The following GAP43 variants were observed in gnomAD, a reference collection of about 807,000 sequenced individuals.
GAP43 encodes neuromodulin.
A neutral mutation model predicts 18.6 loss-of-function variants in GAP43; 6 were observed. The ratio of observed to expected loss-of-function variants is 0.32; its 90% CI spans 0.18 to 0.64. The LOEUF is 0.64. Ranked by LOEUF, GAP43 falls within the 30% of genes least tolerant of loss-of-function variation. The pLI is 0.78. For synonymous variants in GAP43, 115 were observed against 111.4 expected (o/e 1.03, Z -0.20); for missense variants, 292 against 295.5 (o/e 0.99, Z 0.09).
At chr3:115,647,025 T>A (rs181829674) in intron 1 of GAP43, among the ~76,000 whole-genome samples, 1 of 152,112 alleles carries the variant, frequency 6.6e-6, no homozygotes. Flanking sequence ...TCCCCTCACA[T>A]TTCCTCTGTT....
intron 1 of GAP43, among the ~76,000 whole-genome samples, chr3:115,667,653 C>G (rs1708750460): frequency 6.6e-6 from 1 of 152,144 alleles, no homozygotes; most frequent in African/African-American, 2.4e-5. Context: ...TCTTCAGGAG[C>G]TTGGCATGTG....
At chr3:115,687,114 TC>T (rs35054420) in intron 2 of GAP43, among the ~76,000 whole-genome samples, 23,861 of 51,780 alleles carry the variant, frequency 0.46, 2,171 homozygotes, top group East Asian at 0.59. Flanking sequence ...AAATCCCCCC[TC>T]TTTTTTTTTT....
At chr3:115,683,147 GCACA>G (rs869219452) in intron 2 of GAP43, among the ~76,000 whole-genome samples, 25,427 of 127,156 alleles carry the variant, frequency 0.2, 2,866 homozygotes, top group Non-Finnish European at 0.27. Context: ...GCGCGCGCGC[GCACA>G]CACACACACA....
At chr3:115,668,201 G>A (rs1201927403) in intron 1 of GAP43, among the ~76,000 whole-genome samples, 2 of 152,138 alleles carry the variant, frequency 1.3e-5, no homozygotes, top group Admixed American at 6.5e-5. Context: ...AAGTGATTCT[G>A]TCTGGCTTGT....
In GAP43 at chr3:115,674,333, T is replaced by C. The variant is rs1377430187; in HGVS notation, c.31-1680T>C. 3.3e-5 allele frequency among the ~76,000 whole-genome samples: 5 copies of C among 152,186 alleles called. 1 individual carries two copies. The South Asian group carries it at 6.2e-4, about 19-fold the overall frequency. On this transcript the variant is annotated intron_variant, in intron 1 of 2. Coordinates refer to ENST00000305124, the MANE Select transcript of GAP43 (RefSeq NM_002045.4). Reference sequence around the variant, plus strand: ...GAAATCTAAGAATGGAGACTATCAGTAGCCATGTTGGGGCACCATGGTAAA... The same window carrying C: ...GAAATCTAAGAATGGAGACTATCAGCAGCCATGTTGGGGCACCATGGTAAA...
At chr3:115,643,222 G>A (rs908195465) in intron 1 of GAP43, among the ~76,000 whole-genome samples, 2 of 152,054 alleles carry the variant, frequency 1.3e-5, no homozygotes, top group African/African-American at 2.4e-5. Flanking sequence ...AAGGAATGAC[G>A]TAAAGATGCA....
intron 2 of GAP43, among the ~76,000 whole-genome samples, chr3:115,684,866 A>ATTTATCC (rs1485297539): frequency 6.6e-6 from 1 of 152,156 alleles, no homozygotes; most frequent in Non-Finnish European, 1.5e-5. Context: ...AAAGGATAAA[A>ATTTATCC]TTTATCCAAT....
intron 2 of GAP43, among the ~76,000 whole-genome samples, chr3:115,708,848 T>C (rs770109114): frequency 6.6e-6 from 1 of 151,362 alleles, no homozygotes; most frequent in Non-Finnish European, 1.5e-5. Context: ...CTACAAGGAA[T>C]GTAGGACATC....
At chr3:115,664,100 T>A (rs906636884) in intron 1 of GAP43, among the ~76,000 whole-genome samples, 13 of 152,108 alleles carry the variant, frequency 8.5e-5, no homozygotes, top group African/African-American at 3.1e-4. Context: ...TTGAATTAGT[T>A]AATATACAAA....
At chr3:115,698,101 TATATAAAATATATA>T (rs1299353758) in intron 2 of GAP43, among the ~76,000 whole-genome samples, 12 of 41,216 alleles carry the variant, frequency 2.9e-4, no homozygotes, top group East Asian at 2.4e-3. Flanking sequence ...TTATATATAA[TATATAAAATATATA>T]ATATATATTA....
intron 1 of GAP43, among the ~76,000 whole-genome samples, chr3:115,639,798 T>C (rs1277905533): frequency 6.6e-6 from 1 of 152,048 alleles, no homozygotes; most frequent in Non-Finnish European, 1.5e-5. Context: ...AAAAATATAA[T>C]TCCTGGGGGA....
chr3:115,674,762 T>C (rs1445156484), intron 1 of GAP43, among the ~76,000 whole-genome samples: 1 of 152,206 alleles, frequency 6.6e-6, no homozygotes, highest in Non-Finnish European at 1.5e-5. Context: ...AAGTTAGACA[T>C]TATTTTGTGA....
At position 115,698,862 on chromosome 3, in the gene GAP43, T is replaced by A. The variant is rs564486722; in HGVS notation, c.629-21932T>A. Reference sequence around the variant, plus strand: ...CCCTAAACTGGTAATCCTTCATTTCTTACTCATAGCCTCAGCATTCCCACC... The same window carrying A: ...CCCTAAACTGGTAATCCTTCATTTCATACTCATAGCCTCAGCATTCCCACC... On this transcript the variant is annotated intron_variant, in intron 2 of 2. Coordinates refer to ENST00000305124, the MANE Select transcript of GAP43 (RefSeq NM_002045.4). 3.3e-5 allele frequency among the ~76,000 whole-genome samples: 5 copies of A among 152,310 alleles called. No individual in the cohort carries two copies. In the East Asian group the frequency reaches 9.6e-4, roughly 29 times the overall value.
chr3:115,653,427 G>A (rs183978892), intron 1 of GAP43, among the ~76,000 whole-genome samples: 103 of 152,248 alleles, frequency 6.8e-4, no homozygotes, highest in Admixed American at 2.0e-3. Flanking sequence ...GGGCGACAGA[G>A]TGAGACTCTG....
chr3:115,648,159 C>T lies in GAP43; in HGVS notation c.30+24440C>T, dbSNP rs1018612319. ...CGTCATGGAAGTAGTCCTTCTTTTA[C>T]GCAATACTGTGGGCCCTTCTGCAGA... On this transcript the variant is annotated intron_variant, in intron 1 of 2. Coordinates refer to ENST00000305124, the MANE Select transcript of GAP43 (RefSeq NM_002045.4). Among the ~76,000 whole-genome samples, 4 of 152,164 alleles carry T rather than the reference C, an allele frequency of 2.6e-5. No individual in the cohort carries two copies. The South Asian group carries it at 6.2e-4, about 24-fold the overall frequency.
intron 1 of GAP43, among the ~76,000 whole-genome samples, chr3:115,646,251 G>A (rs1708456465): frequency 6.6e-6 from 1 of 152,002 alleles, no homozygotes; most frequent in South Asian, 2.1e-4. Context: ...TTTCCTGCAA[G>A]CAACTCTGCC....
intron 1 of GAP43, among the ~76,000 whole-genome samples, chr3:115,675,329 C>A (rs530190073): frequency 6.6e-6 from 1 of 152,170 alleles, no homozygotes; most frequent in Admixed American, 6.5e-5. Context: ...CTTCACTTCT[C>A]AAGGTGCTTG....
chr3:115,655,317 A>C (rs968035264), intron 1 of GAP43, among the ~76,000 whole-genome samples: 1 of 152,242 alleles, frequency 6.6e-6, no homozygotes, highest in Non-Finnish European at 1.5e-5. Context: ...TACCTTGGAC[A>C]CAAGAATTAG....
chr3:115,698,074 AAT>A lies in GAP43; in HGVS notation c.628+21470_628+21471del, dbSNP rs1421964698. On this transcript the variant is annotated intron_variant, in intron 2 of 2. Coordinates refer to ENST00000305124, the MANE Select transcript of GAP43 (RefSeq NM_002045.4). ...ATTATATAAAATATATATTATATAT[AAT>A]ATATAAAATATGTATTATATATAAT... Among the ~76,000 whole-genome samples, 214 of 49,430 alleles carry A rather than the reference AAT, an allele frequency of 4.3e-3. 6 individuals carry two copies. Among genetic ancestry groups the A allele is most frequent in the African/African-American group, 0.021 (204 of 9,696 alleles). The allele number at this position is 49,430 out of a possible 152,430, so 32.4% of individuals were successfully genotyped here.
Sources: gnomAD v4.1 joint callset for allele counts (sites outside exome capture counted in the v4.1 genomes callset) on GRCh38, gnomAD v4.1.1 for gene constraint, MANE v1.5 for transcripts, NCBI Gene and HGNC (gene_info 2026-07-23, HGNC 2026-07-21) for gene names.